CLVS1: variants seen among roughly 807,000 people sequenced by gnomAD.
The protein encoded by CLVS1 is clavesin 1.
CLVS1 carries 10 observed loss-of-function variants against 33.1 expected under a neutral mutation model. The observed-to-expected ratio is 0.30, with a 90% CI of 0.19 to 0.51. CLVS1 has a LOEUF of 0.51. Among genes scored for constraint, CLVS1 ranks in the 20% least tolerant of loss-of-function variants. The pLI is 0.97. For synonymous variants in CLVS1, 163 were observed against 166.1 expected, an observed-to-expected ratio of 0.98 and a Z score of 0.14; for missense variants, 343 against 433.4, an observed-to-expected ratio of 0.79 and a Z score of 1.85.
At chr8:61,491,225 T>C (rs1399719418) in intron 5 of CLVS1, among the ~76,000 whole-genome samples, 2 of 152,218 alleles carry the variant, frequency 1.3e-5, no homozygotes, top group Non-Finnish European at 2.9e-5. Context: ...TAGTCCAGTC[T>C]AGTAGTATGC....
At chr8:61,395,501 G>T (rs984314862) in intron 3 of CLVS1, among the ~76,000 whole-genome samples, 48 of 152,208 alleles carry the variant, frequency 3.2e-4, no homozygotes, top group Middle Eastern at 3.4e-3. Flanking sequence ...TTGAGGTGAT[G>T]GATATGTTAA....
chr8:61,012,994 C>A, the CLVS1 span, among the ~76,000 whole-genome samples: 1 of 152,222 alleles, frequency 6.6e-6, no homozygotes, highest in Admixed American at 6.5e-5. Flanking sequence ...CTCTCCCTGA[C>A]CTCTGCCTTA....
chr8:61,267,683 T>C (rs1281497420), intron 2 of CLVS1, among the ~76,000 whole-genome samples: 4 of 152,230 alleles, frequency 2.6e-5, no homozygotes, highest in Non-Finnish European at 5.9e-5. Context: ...CTAAGCATCC[T>C]TCTCAACTGC....
chr8:61,262,380 A>C (rs1809223887), intron 2 of CLVS1, among the ~76,000 whole-genome samples: 1 of 152,044 alleles, frequency 6.6e-6, no homozygotes, highest in Admixed American at 6.5e-5. Flanking sequence ...GAGTCCACTC[A>C]TCAAACGTAT....
chr8:61,282,061 G>T (rs1226914593), intron 2 of CLVS1, among the ~76,000 whole-genome samples: 2 of 152,182 alleles, frequency 1.3e-5, no homozygotes, highest in Non-Finnish European at 1.5e-5. Flanking sequence ...TAGAACAAAG[G>T]TTGGTGCTGA....
intron 2 of CLVS1, among the ~76,000 whole-genome samples, chr8:61,329,663 A>G (rs927089903): frequency 6.6e-6 from 1 of 152,244 alleles, no homozygotes; most frequent in Non-Finnish European, 1.5e-5. Context: ...ACAAAAACAA[A>G]TAGTTAAATC....
At position 61,432,455 on chromosome 8, in the gene CLVS1, C is replaced by T. The variant is rs73685018; in HGVS notation, c.631-21686C>T. On this transcript the variant is annotated intron_variant, in intron 3 of 5. Coordinates refer to ENST00000325897, the MANE Select transcript of CLVS1 (RefSeq NM_173519.3). ...GACCCTAATTCAACATGATTGGTGT[C>T]GTTATAACAAGAGGAGATTAGGACA... is the stretch of plus-strand genomic sequence containing the variant. 7.7e-3 allele frequency among the ~76,000 whole-genome samples: 1,165 copies of T among 152,186 alleles called. 18 individuals are homozygous for T. Among genetic ancestry groups the T allele is most frequent in the African/African-American group, 0.027 (1,119 of 41,524 alleles).
At chr8:60,996,455 AAG>A in the CLVS1 span, among the ~76,000 whole-genome samples, 1 of 152,214 alleles carries the variant, frequency 6.6e-6, no homozygotes, top group East Asian at 1.9e-4. Flanking sequence ...TCACAACAAC[AAG>A]AGAATGAAGA....
chr8:61,181,760 C>T (rs1025149686), intron 2 of CLVS1, among the ~76,000 whole-genome samples: 4 of 136,494 alleles, frequency 2.9e-5, no homozygotes, highest in East Asian at 2.1e-4. Context: ...AGTGCAGTGG[C>T]GTGATCTCTG....
chr8:61,493,879 A>C (rs1030256927), intron 5 of CLVS1, among the ~76,000 whole-genome samples: 3 of 152,026 alleles, frequency 2.0e-5, no homozygotes, highest in Non-Finnish European at 4.4e-5. Context: ...TGACTGAATC[A>C]CTCCTGAGGT....
intron 1 of CLVS1, among the ~76,000 whole-genome samples, chr8:61,100,489 C>G (rs1343524520): frequency 6.6e-6 from 1 of 152,168 alleles, no homozygotes; most frequent in South Asian, 2.1e-4. Flanking sequence ...TTTCAAGTCA[C>G]AATTTGCCTT....
chr8:61,082,203 G>A (rs991778373), intron 1 of CLVS1, among the ~76,000 whole-genome samples: 1 of 152,114 alleles, frequency 6.6e-6, no homozygotes, highest in African/African-American at 2.4e-5. Flanking sequence ...CATGGCCAAG[G>A]AAAAAAGTCA....
the CLVS1 span, among the ~76,000 whole-genome samples, chr8:60,975,234 AT>A: frequency 1.3e-5 from 2 of 152,130 alleles, no homozygotes; most frequent in Non-Finnish European, 2.9e-5. Context: ...ATCCTGCATT[AT>A]TTTTTTGAGC....
rs141683142 is a variant in CLVS1, at chr8:61,395,495, G to A, written c.630+18716G>A. On this transcript the variant is annotated intron_variant, in intron 3 of 5. Coordinates refer to ENST00000325897, the MANE Select transcript of CLVS1 (RefSeq NM_173519.3). Reference sequence around the variant, plus strand: ...ACACACAAAAATGATAAATCATTGAGGTGATGGATATGTTAATTAGCTTGA... The same window carrying A: ...ACACACAAAAATGATAAATCATTGAAGTGATGGATATGTTAATTAGCTTGA... 6.9e-4 allele frequency among the ~76,000 whole-genome samples: 105 copies of A among 152,198 alleles called. 1 individual carries two copies. The highest frequency in any genetic ancestry group is 3.4e-3 in the Middle Eastern group (1 of 294).
chr8:61,490,980 AAAAG>A (rs1218413413), intron 5 of CLVS1, among the ~76,000 whole-genome samples: 3 of 151,900 alleles, frequency 2.0e-5, no homozygotes, highest in African/African-American at 4.8e-5. Context: ...AAAGAAAAAA[AAAAG>A]AAAGAAAGAA....
chr8:61,459,493 T>A (rs920165472), intron 5 of CLVS1, among the ~76,000 whole-genome samples: 1 of 151,586 alleles, frequency 6.6e-6, no homozygotes. Flanking sequence ...CTTTTATCCC[T>A]CGCCCCCCTC....
chr8:61,256,454 A>C lies in CLVS1; in HGVS notation c.-151-43223A>C, dbSNP rs937701577. Reference sequence around the variant, plus strand: ...CGTGAACCCAGGAGGCGGAGCTTGCAGTGAGCCGAGATCGTGCCACTGCAC... The same window carrying C: ...CGTGAACCCAGGAGGCGGAGCTTGCCGTGAGCCGAGATCGTGCCACTGCAC... On this transcript the variant is annotated intron_variant, in intron 2 of 2. Transcript: ENST00000522621. 2.6e-5 allele frequency among the ~76,000 whole-genome samples: 4 copies of C among 152,206 alleles called. No individual in the cohort carries two copies. In the South Asian group the frequency reaches 8.3e-4, roughly 31 times the overall value.
chr8:61,233,373 G>T (rs577881155), intron 2 of CLVS1, among the ~76,000 whole-genome samples: 2 of 152,126 alleles, frequency 1.3e-5, no homozygotes, highest in South Asian at 4.2e-4. Context: ...AACAGGGAAT[G>T]GATTTATGTT....
intron 1 of CLVS1, among the ~76,000 whole-genome samples, chr8:61,083,848 T>C (rs912023469): frequency 3.9e-5 from 6 of 152,122 alleles, no homozygotes; most frequent in Admixed American, 3.9e-4. Context: ...AGTCTGGAGT[T>C]TGAGAGAATT....
Sources: gnomAD v4.1 joint callset for allele counts (sites outside exome capture counted in the v4.1 genomes callset) on GRCh38, gnomAD v4.1.1 for gene constraint, MANE v1.5 for transcripts, NCBI Gene and HGNC (gene_info 2026-07-23, HGNC 2026-07-21) for gene names.